Variants in TACC1 observed in about 807,000 individuals in gnomAD.
The protein encoded by TACC1 is transforming acidic coiled-coil containing protein 1.
TACC1 carries 48 observed loss-of-function variants against 84.4 expected under a neutral mutation model. The observed-to-expected ratio is 0.57, with a 90% CI of 0.45 to 0.72. TACC1 has a LOEUF of 0.72. Ranked by LOEUF, TACC1 falls within the 30% of genes least tolerant of loss-of-function variation. The pLI, the probability that TACC1 is intolerant of heterozygous loss-of-function variation, is 0.00. For missense variants in TACC1, 920 were observed against 973.0 expected (o/e 0.95, Z 0.72); for synonymous variants, 372 against 376.3 (o/e 0.99, Z 0.13).
In TACC1 at chr8:38,846,852, G is replaced by A. The variant is rs1196418987; in HGVS notation, c.2349+33G>A. 5 of 1,610,370 alleles carry A rather than the reference G, an allele frequency of 3.1e-6. 1 individual carries two copies. In the South Asian group the frequency reaches 5.5e-5, roughly 18 times the overall value. On this transcript the variant is annotated intron_variant, in intron 12 of 12. Transcript: ENST00000317827. ...AAGGGACCTGATCTGGGTGGCCACA[G>A]AGACGTTTGGTTTTCCTCCTCAGCA...
chr8:38,830,216 ATGCTT>A (rs1379439513), intron 5 of TACC1, among the ~76,000 whole-genome samples: 3 of 152,124 alleles, frequency 2.0e-5, no homozygotes, highest in Admixed American at 6.5e-5. Context: ...AAACTTTTGT[ATGCTT>A]TTCTGTATTT....
intron 1 of TACC1, 134 bp from the exon 2 acceptor site, chr8:38,788,570 G>T (rs903216634): frequency 1.5e-6 from 1 of 677,846 alleles, no homozygotes. Flanking sequence ...CCGCAGGTCA[G>T]ACCCTGCTGA....
At chr8:38,833,754 G>A (rs555883819) in intron 6 of TACC1, among the ~76,000 whole-genome samples, 21 of 152,286 alleles carry the variant, frequency 1.4e-4, no homozygotes, top group African/African-American at 4.6e-4. Context: ...TTTAGGGGGC[G>A]TATTTCCCAT....
intron 3 of TACC1, among the ~76,000 whole-genome samples, chr8:38,822,473 G>A (rs993948594): frequency 1.6e-4 from 24 of 152,098 alleles, no homozygotes; most frequent in African/African-American, 5.8e-4. Context: ...GGACATTACT[G>A]TACACTACTG....
At chr8:38,838,902 CTT>C (rs1177445873) in intron 8 of TACC1, among the ~76,000 whole-genome samples, 1 of 147,238 alleles carries the variant, frequency 6.8e-6, no homozygotes, top group Admixed American at 6.8e-5. Flanking sequence ...CATAATACTA[CTT>C]TTTTTTTTTT....
At chr8:38,747,798 T>C (rs1338900121) in intron 3 of TACC1, among the ~76,000 whole-genome samples, 1 of 152,228 alleles carries the variant, frequency 6.6e-6, no homozygotes, top group African/African-American at 2.4e-5. Flanking sequence ...ATTAGACATT[T>C]GTCAAAACTC....
intron 1 of TACC1, among the ~76,000 whole-genome samples, chr8:38,734,844 T>C (rs1168629249): frequency 1.3e-5 from 2 of 152,272 alleles, no homozygotes; most frequent in Non-Finnish European, 2.9e-5. Flanking sequence ...TGACGCAGGC[T>C]GGCGGGGAGT....
At chr8:38,729,096 G>T (rs1804403961) in intron 1 of TACC1, among the ~76,000 whole-genome samples, 2 of 151,912 alleles carry the variant, frequency 1.3e-5, no homozygotes, top group Non-Finnish European at 2.9e-5. Flanking sequence ...TCGGGGAGAA[G>T]TGAGAAGGGG....
intron 3 of TACC1, among the ~76,000 whole-genome samples, chr8:38,821,294 C>T (rs1261599322): frequency 2.6e-5 from 4 of 152,020 alleles, no homozygotes; most frequent in Non-Finnish European, 5.9e-5. Context: ...GTGTTATAGA[C>T]AATTCAAATG....
intron 10 of TACC1, 25 bp from the exon 11 acceptor site, chr8:38,843,264 A>G: frequency 6.6e-7 from 1 of 1,511,192 alleles, no homozygotes; most frequent in Non-Finnish European, 8.9e-7. Flanking sequence ...TGACCTGTTT[A>G]TTTTCAATTT....
intron 4 of TACC1, among the ~76,000 whole-genome samples, chr8:38,826,901 A>T (rs1436091414): frequency 1.3e-5 from 2 of 152,226 alleles, no homozygotes; most frequent in African/African-American, 4.8e-5. Flanking sequence ...CCATTGTCTT[A>T]AACCACTGAA....
intron 2 of TACC1, among the ~76,000 whole-genome samples, chr8:38,744,588 T>G (rs1414637078): frequency 6.6e-6 from 1 of 152,128 alleles, no homozygotes; most frequent in Non-Finnish European, 1.5e-5. Flanking sequence ...AAGGGAGAAG[T>G]GATACTAGGA....
rs767937820 is a variant in TACC1 at position 38,745,477 on chromosome 8, A to G, written c.10A>G (p.Ile4Val). The G allele has an allele frequency of 1.3e-4, 90 of 691,344 alleles. 2 individuals carry two copies. Among genetic ancestry groups the G allele is most frequent in the South Asian group, 1.3e-3 (82 of 64,938 alleles). 42.8% of individuals were successfully genotyped at this position (691,344 alleles called of 1,614,324 possible). ...CAAATCTGACCTGGAGATGAATAAT[A>G]TATTGAAACTTAAAAGGCAAGGGTT... Residue 4 changes from isoleucine to valine, a missense_variant, in exon 3 of 15, where the codon ATA (isoleucine) becomes GTA (valine). Transcript: ENST00000518415.
At position 38,840,209 on chromosome 8, in the gene TACC1, T is replaced by C; in HGVS notation, c.1917-15T>C. On this transcript the variant is annotated splice_polypyrimidine_tract_variant and intron_variant, in intron 8 of 12. Coordinates refer to ENST00000317827, the MANE Select transcript of TACC1 (RefSeq NM_006283.3). ...AAATCCTCCTCTGGTAATAAGTTCT[T>C]TTTTTCTCATTTAGGAAAATTGTAG... 6.2e-7 allele frequency: 1 copy of C among 1,602,568 alleles called. No homozygotes were observed. The highest frequency in any genetic ancestry group is 1.1e-5 in the South Asian group (1 of 90,118).
rs1346383679 is a variant in TACC1 at position 38,824,089 on chromosome 8, C to T, written c.1392-1219C>T. On this transcript the variant is annotated intron_variant, in intron 3 of 12. Transcript: ENST00000317827. Reference sequence around the variant, plus strand: ...TGGCAGTTTCCTCTCTCCCCTCCCCCAGCCATCTCTCCATAGCATGTTTGC... The same window carrying T: ...TGGCAGTTTCCTCTCTCCCCTCCCCTAGCCATCTCTCCATAGCATGTTTGC... 3 of 1,211,722 alleles carry T rather than the reference C, an allele frequency of 2.5e-6. No homozygotes were observed. The East Asian group carries it at 1.4e-4, about 57-fold the overall frequency. 75.1% of individuals were successfully genotyped at this position (1,211,722 alleles called of 1,614,324 possible).
At chr8:38,805,897 G>C (rs1269937494) in intron 2 of TACC1, among the ~76,000 whole-genome samples, 2 of 152,150 alleles carry the variant, frequency 1.3e-5, no homozygotes, top group Non-Finnish European at 2.9e-5. Context: ...TTCCAAATTT[G>C]TGGCATCCTT....
At chr8:38,785,103 T>TAAAA (rs1816865260), upstream of TACC1, among the ~76,000 whole-genome samples, 1 of 136,548 alleles carries the variant, frequency 7.3e-6, no homozygotes, top group Admixed American at 7.5e-5. Flanking sequence ...TGAAGGACGT[T>TAAAA]CGAGCAGCTG....
At chr8:38,755,418 C>T (rs1051159480) in intron 3 of TACC1, among the ~76,000 whole-genome samples, 4 of 152,044 alleles carry the variant, frequency 2.6e-5, no homozygotes, top group Non-Finnish European at 5.9e-5. Flanking sequence ...AAGGAGCATT[C>T]CCAGCTGGGT....
chr8:38,787,934 C>T (rs1281076111), intron 1 of TACC1, among the ~76,000 whole-genome samples, 191 bp downstream of exon 1: 1 of 152,218 alleles, frequency 6.6e-6, no homozygotes, highest in African/African-American at 2.4e-5. Flanking sequence ...GGGTTTCTGG[C>T]CCCCGTTTCG....
Sources: gnomAD v4.1 joint callset for allele counts (sites outside exome capture counted in the v4.1 genomes callset) on GRCh38, gnomAD v4.1.1 for gene constraint, MANE v1.5 for transcripts, NCBI Gene and HGNC (gene_info 2026-07-23, HGNC 2026-07-21) for gene names.